Variants in ADAMTS19 observed in about 807,000 individuals in gnomAD.
The protein encoded by ADAMTS19 is ADAM metallopeptidase with thrombospondin type 1 motif 19, also known as A disintegrin and metalloproteinase with thrombospondin motifs 19.
Under a neutral mutation model 153.3 loss-of-function variants are expected in ADAMTS19, and 93 were observed. The ratio of observed to expected loss-of-function variants is 0.61; its 90% CI spans 0.51 to 0.72. The LOEUF (loss-of-function observed/expected upper bound fraction) is 0.72. ADAMTS19 is among the 30% of genes least tolerant of loss of function. The pLI, the probability that ADAMTS19 is intolerant of heterozygous loss-of-function variation, is 0.00. For missense variants in ADAMTS19, 1,482 were observed against 1,552.1 expected, an observed-to-expected ratio of 0.95 and a Z score of 0.76; for synonymous variants, 600 against 556.6, an observed-to-expected ratio of 1.08 and a Z score of -1.10.
intron 2 of ADAMTS19, among the ~76,000 whole-genome samples, chr5:129,498,168 C>A (rs1463297150): frequency 1.3e-5 from 2 of 152,044 alleles, no homozygotes; most frequent in Non-Finnish European, 2.9e-5. Flanking sequence ...TCCTAATAGA[C>A]TTTACACTAA....
At chr5:129,589,734 C>G (rs974851261) in intron 7 of ADAMTS19, among the ~76,000 whole-genome samples, 1 of 152,000 alleles carries the variant, frequency 6.6e-6, no homozygotes, top group Non-Finnish European at 1.5e-5. Flanking sequence ...TGTGGTCTGT[C>G]TCTTCACAGG....
chr5:129,667,794 T>C (rs1581206577), intron 16 of ADAMTS19, among the ~76,000 whole-genome samples: 1 of 152,252 alleles, frequency 6.6e-6, no homozygotes, highest in South Asian at 2.1e-4. Flanking sequence ...AGGTGTTTCA[T>C]GATAGCAGTG....
At chr5:129,692,954 C>T (rs1374487374) in intron 18 of ADAMTS19, among the ~76,000 whole-genome samples, 1 of 152,116 alleles carries the variant, frequency 6.6e-6, no homozygotes, top group African/African-American at 2.4e-5. Flanking sequence ...AGTTGCATTC[C>T]ATCAGTACTC....
intron 15 of ADAMTS19, among the ~76,000 whole-genome samples, chr5:129,660,165 T>G (rs541525461): frequency 4.7e-4 from 71 of 152,258 alleles, no homozygotes; most frequent in African/African-American, 1.7e-3. Flanking sequence ...CTGAACATCT[T>G]AAAGCCGAGA....
chr5:129,549,182 TAAAA>T (rs1288440079), intron 6 of ADAMTS19, among the ~76,000 whole-genome samples: 2 of 120,920 alleles, frequency 1.7e-5, no homozygotes, highest in African/African-American at 3.4e-5. Context: ...ATAATAATAA[TAAAA>T]TAAATAAATA....
At chr5:129,540,482 T>C (rs1046318895) in intron 6 of ADAMTS19, among the ~76,000 whole-genome samples, 3 of 152,124 alleles carry the variant, frequency 2.0e-5, no homozygotes, top group Non-Finnish European at 4.4e-5. Context: ...TATATCTTTA[T>C]GCCCTTTGAA....
At chr5:129,572,968 G>C (rs1252110792) in intron 7 of ADAMTS19, among the ~76,000 whole-genome samples, 1 of 152,032 alleles carries the variant, frequency 6.6e-6, no homozygotes, top group African/African-American at 2.4e-5. Flanking sequence ...TTATCTGATT[G>C]TTAGATTTGC....
chr5:129,638,989 C>G (rs551523132), intron 10 of ADAMTS19, among the ~76,000 whole-genome samples: 1 of 152,050 alleles, frequency 6.6e-6, no homozygotes, highest in Non-Finnish European at 1.5e-5. Flanking sequence ...ATATTATATT[C>G]TTTTAATAAA....
At chr5:129,658,370 A>C (rs976029411) in intron 14 of ADAMTS19, among the ~76,000 whole-genome samples, 1 of 148,792 alleles carries the variant, frequency 6.7e-6, no homozygotes, top group South Asian at 2.1e-4. Context: ...AGAAAGAAAG[A>C]GAGAGAGGAA....
chr5:129,535,695 T>A (rs1166808817), intron 6 of ADAMTS19, among the ~76,000 whole-genome samples: 1 of 152,138 alleles, frequency 6.6e-6, no homozygotes, highest in East Asian at 1.9e-4. Context: ...AACAGTATGG[T>A]ACTGGTACCG....
chr5:129,522,341 A>ATATG (rs1581034694), intron 3 of ADAMTS19, among the ~76,000 whole-genome samples: 1 of 120,306 alleles, frequency 8.3e-6, no homozygotes, highest in East Asian at 2.5e-4. Context: ...ACATATATAT[A>ATATG]TATATATATA....
At chr5:129,582,783 G>A (rs1449045682) in intron 7 of ADAMTS19, among the ~76,000 whole-genome samples, 2 of 151,484 alleles carry the variant, frequency 1.3e-5, no homozygotes, top group East Asian at 3.9e-4. Context: ...TGTTAGCCAG[G>A]ATGGTCTTGA....
chr5:129,684,428 A>C (rs1170449136), intron 18 of ADAMTS19, among the ~76,000 whole-genome samples, 155 bp downstream of exon 18: 1 of 152,242 alleles, frequency 6.6e-6, no homozygotes, highest in Non-Finnish European at 1.5e-5. Flanking sequence ...TAGTGGCTAA[A>C]CACCTGAAAT....
intron 8 of ADAMTS19, among the ~76,000 whole-genome samples, chr5:129,607,928 GGTGTGT>G (rs1217702201): frequency 6.8e-6 from 1 of 147,968 alleles, no homozygotes; most frequent in Non-Finnish European, 1.5e-5. Context: ...AAGAAAATGT[GGTGTGT>G]GTGTGTGTAT....
chr5:129,484,863 C>CTGTT (rs1750540147), intron 2 of ADAMTS19, among the ~76,000 whole-genome samples: 1 of 152,076 alleles, frequency 6.6e-6, no homozygotes, highest in African/African-American at 2.4e-5. Context: ...CTTCATCCAG[C>CTGTT]TGTTTAGTTT....
chr5:129,635,891 AATTT>A (rs1034897086), intron 10 of ADAMTS19, among the ~76,000 whole-genome samples: 1 of 152,160 alleles, frequency 6.6e-6, no homozygotes, highest in Middle Eastern at 3.4e-3. Context: ...TTAAACGTTC[AATTT>A]ATTTATTTAT....
chr5:129,463,774 G>T (rs1312442787), intron 2 of ADAMTS19, among the ~76,000 whole-genome samples: 1 of 152,126 alleles, frequency 6.6e-6, no homozygotes, highest in Non-Finnish European at 1.5e-5. Flanking sequence ...TAGAGAATTA[G>T]ATGATTTAAT....
intron 21 of ADAMTS19, among the ~76,000 whole-genome samples, chr5:129,707,200 G>A (rs1756202478): frequency 6.6e-6 from 1 of 152,146 alleles, no homozygotes; most frequent in Non-Finnish European, 1.5e-5. Flanking sequence ...ACTCAAGTTT[G>A]CATGGACTTT....
At chr5:129,625,100 A>G (rs1751965954) in intron 10 of ADAMTS19, among the ~76,000 whole-genome samples, 1 of 149,320 alleles carries the variant, frequency 6.7e-6, no homozygotes, top group Non-Finnish European at 1.5e-5. Context: ...TGGTTTTCTG[A>G]CCTTGCAATA....
Sources: gnomAD v4.1 joint callset for allele counts (sites outside exome capture counted in the v4.1 genomes callset) on GRCh38, gnomAD v4.1.1 for gene constraint, MANE v1.5 for transcripts, NCBI Gene and HGNC (gene_info 2026-07-23, HGNC 2026-07-21) for gene names.